The following ZNF729 variants were observed in gnomAD, a reference collection of about 807,000 sequenced individuals.
ZNF729 encodes zinc finger protein 729.
Under a neutral mutation model 12.2 loss-of-function variants are expected in ZNF729, and 15 were observed. The observed-to-expected ratio is 1.23, with a 90% confidence interval of 0.82 to 1.89. The LOEUF (loss-of-function observed/expected upper bound fraction) is 1.89. Ranked by LOEUF, ZNF729 falls within the 40% of genes most tolerant of loss-of-function variation. The pLI is 0.00. For synonymous variants in ZNF729, 492 were observed against 476.3 expected (o/e 1.03, Z -0.43); for missense variants, 1,540 against 1,456.7 (o/e 1.06, Z -0.93).
chr19:22,295,189 A>AT (rs1311562603), intron 1 of ZNF729, among the ~76,000 whole-genome samples: 24 of 151,488 alleles, frequency 1.6e-4, no homozygotes, highest in Non-Finnish European at 1.0e-4. Flanking sequence ...TGCTGAAGTG[A>AT]TTTGTCAGTT....
At chr19:22,300,444 T>C (rs1197577556) in intron 1 of ZNF729, among the ~76,000 whole-genome samples, 2 of 152,252 alleles carry the variant, frequency 1.3e-5, no homozygotes, top group African/African-American at 4.8e-5. Context: ...CTTTTAATTA[T>C]GTTTCACAAA....
intron 3 of ZNF729, 21 bp from the exon 4 acceptor site, chr19:22,313,650 T>C: frequency 7.0e-7 from 1 of 1,435,888 alleles, no homozygotes; most frequent in Admixed American, 3.2e-5. Context: ...TGGAATAATT[T>C]GTTATTTTTA....
chr19:22,295,036 ATT>A lies in ZNF729; in HGVS notation c.30+8483_30+8484del, dbSNP rs552135499. On this transcript the variant is annotated intron_variant, in intron 1 of 3. Transcript: ENST00000601693. ...TCTCTGGTTAGGTGTACTCCTAGAT[ATT>A]TGTGTGTGTGTGTGTGTGTGTGTGT... 8.6e-3 allele frequency among the ~76,000 whole-genome samples: 782 copies of A among 91,304 alleles called. 5 individuals carry two copies. The highest frequency in any genetic ancestry group is 0.011 in the Non-Finnish European group (543 of 50,814). 59.9% of individuals were successfully genotyped at this position (91,304 alleles called of 152,430 possible). A position where few individuals can be genotyped will look rare whatever the true frequency, so the allele number is the denominator to read the frequency against.
rs760525721 is a variant in ZNF729 at position 22,316,054 on chromosome 19, A to C, written c.2637A>C (p.Pro879=). ...AGATAATTCATAGTGGAGAGAAACC[A>C]TACAAATGTGAAGAATGTGGTAAAG... ...KHEIIHSGEK[P]YKCEECGKAF... The change falls in exon 4 of 4, where the codon CCA becomes CCC. Residue 879 remains proline (P), a synonymous_variant. Coordinates refer to ENST00000601693, the MANE Select transcript of ZNF729 (RefSeq NM_001242680.2). The C allele has an allele frequency of 2.0e-5, 32 of 1,609,610 alleles. 1 individual carries two copies. The highest frequency in any genetic ancestry group is 3.3e-4 in the Middle Eastern group (2 of 6,064).
At chr19:22,294,657 CTTTTTTT>C (rs71180535) in intron 1 of ZNF729, among the ~76,000 whole-genome samples, 7 of 92,430 alleles carry the variant, frequency 7.6e-5, no homozygotes, top group East Asian at 3.0e-4. Context: ...TTTTCTTTTT[CTTTTTTT>C]TTTTTTTTTT....
chr19:22,291,897 C>A (rs780945580), intron 1 of ZNF729, among the ~76,000 whole-genome samples: 2 of 152,076 alleles, frequency 1.3e-5, no homozygotes, highest in Non-Finnish European at 2.9e-5. Context: ...CCACGCCCCG[C>A]TAATTTTTGT....
chr19:22,303,574 T>C (rs563660704), intron 1 of ZNF729, among the ~76,000 whole-genome samples, 184 bp from the exon 2 acceptor site: 1 of 152,378 alleles, frequency 6.6e-6, no homozygotes, highest in Admixed American at 6.5e-5. Context: ...TTCTTTTTTC[T>C]CAGAATTTGA....
chr19:22,304,830 G>A (rs1385757753), intron 3 of ZNF729, 47 bp downstream of exon 3: 3 of 1,570,036 alleles, frequency 1.9e-6, no homozygotes, highest in Non-Finnish European at 2.6e-6. Context: ...GAGGTCCAGA[G>A]GTCAAGGAGA....
chr19:22,293,778 G>A (rs910183841), intron 1 of ZNF729, among the ~76,000 whole-genome samples: 1 of 152,160 alleles, frequency 6.6e-6, no homozygotes, highest in African/African-American at 2.4e-5. Flanking sequence ...ACAGGCATAA[G>A]CCACGGAGCC....
chr19:22,304,532 T>C (rs1365903175), intron 2 of ZNF729, among the ~76,000 whole-genome samples, 156 bp from the exon 3 acceptor site: 1 of 152,182 alleles, frequency 6.6e-6, no homozygotes, highest in African/African-American at 2.4e-5. Context: ...TAAGGGCCTG[T>C]ACAAATTGAA....
intron 1 of ZNF729, among the ~76,000 whole-genome samples, chr19:22,298,098 G>A (rs1342109548): frequency 1.3e-5 from 2 of 150,702 alleles, no homozygotes; most frequent in African/African-American, 2.4e-5. Context: ...AAGATACTGA[G>A]TACATTTCTT....
Position 22,314,889 on chromosome 19 carries a change from A to G in ZNF729, c.1472A>G (p.Glu491Gly), listed in dbSNP as rs755458370. 5.0e-6 allele frequency: 8 copies of G among 1,613,424 alleles called. No individual in the cohort carries two copies. The African/African-American group carries it at 9.3e-5, about 19-fold the overall frequency. The part of the protein sequence containing the change: ...IHTGEKPYKC[E>G]ECGKAFNHFS... ...ACTGGAGAGAAACCCTACAAATGTG[A>G]AGAATGTGGCAAAGCTTTTAACCAT... The change falls in exon 4 of 4, where the codon GAA becomes GGA. Residue 491 changes from glutamate (E) to glycine (G), a missense_variant. By Grantham distance (98) the Glu-to-Gly change is moderately conservative (BLOSUM62 -2). Coordinates refer to ENST00000601693, the MANE Select transcript of ZNF729 (RefSeq NM_001242680.2).
intron 1 of ZNF729, among the ~76,000 whole-genome samples, chr19:22,294,657 CTTT>C (rs71180535): frequency 2.2e-5 from 2 of 92,434 alleles, no homozygotes; most frequent in Non-Finnish European, 2.3e-5. Flanking sequence ...TTTTCTTTTT[CTTT>C]TTTTTTTTTT....
rs1186028508 is a variant in ZNF729 at position 22,315,726 on chromosome 19, G to A, written c.2309G>A (p.Cys770Tyr). The A allele has an allele frequency of 4.4e-6, 7 of 1,605,946 alleles. No homozygotes were observed. In the African/African-American group the frequency reaches 8.0e-5, roughly 18 times the overall value. The stretch of plus-strand genomic sequence containing the variant: ...CATACTAGGGAGAAATTGTACAAAT[G>A]TGAAGAATGTGTCAAAGCTTTTAAC... ...VIHTREKLYK[C>Y]EECVKAFNSF... Residue 770 changes from cysteine to tyrosine, a missense_variant, in exon 4 of 4, where the codon TGT becomes TAT. Transcript: ENST00000601693.
rs545411652 is a variant in ZNF729, at chr19:22,289,306, A to G, written c.30+2751A>G. On this transcript the variant is annotated intron_variant, in intron 1 of 3. Coordinates refer to ENST00000601693, the MANE Select transcript of ZNF729 (RefSeq NM_001242680.2). ...AGTGGCGCAATCTCTGCTCACTGCA[A>G]CCTCCATCTCCCAGGTTCAAGTGAT... Among the ~76,000 whole-genome samples, 39 of 151,118 alleles carry G rather than the reference A, an allele frequency of 2.6e-4. No homozygotes were observed. In the South Asian group the frequency reaches 7.8e-3, roughly 30 times the overall value.
In ZNF729 at chr19:22,315,343, C is replaced by T. The variant is rs759328592; in HGVS notation, c.1926C>T (p.His642=). Residue 642 remains histidine (H), a synonymous_variant, in exon 4 of 4, where the codon CAC becomes CAT. Transcript: ENST00000601693. ...GCAAAGCTTTTAGGCAATCCTCACA[C>T]CTTACTAGACATAAAGCAATTCATA... ...ECGKAFRQSS[H]LTRHKAIHTG... 5.1e-5 allele frequency: 82 copies of T among 1,612,836 alleles called. No homozygotes were observed. The highest frequency in any genetic ancestry group is 3.3e-4 in the Middle Eastern group (2 of 6,072).
At position 22,316,787 on chromosome 19, in the gene ZNF729, A is replaced by G. The variant is rs761156818; in HGVS notation, c.3370A>G (p.Ile1124Val). The G allele has an allele frequency of 6.2e-7, 1 of 1,613,062 alleles. No homozygotes were observed. Among genetic ancestry groups the G allele is most frequent in the Non-Finnish European group, 8.5e-7 (1 of 1,179,874 alleles). Residue 1124 changes from isoleucine to valine, a missense_variant, in exon 4 of 4, where the codon ATA becomes GTA. Ile to Val is a conservative substitution (Grantham distance 29). Coordinates refer to ENST00000601693, the MANE Select transcript of ZNF729 (RefSeq NM_001242680.2). The stretch of plus-strand genomic sequence containing the variant: ...TTCCTCAACCCTTACGAAACATAAG[A>G]TAATTCATACTGGGGAGAAACCCTA... Reference protein sequence around the residue: ...NNSSTLTKHKIIHTGEKPYKC... With the variant: ...NNSSTLTKHKVIHTGEKPYKC...
At chr19:22,295,792 T>C (rs1001403283) in intron 1 of ZNF729, among the ~76,000 whole-genome samples, 9 of 152,220 alleles carry the variant, frequency 5.9e-5, no homozygotes, top group Non-Finnish European at 1.2e-4. Context: ...TATTTTGAAG[T>C]GTGTACTTTG....
At chr19:22,311,991 T>A (rs1226831221) in intron 3 of ZNF729, among the ~76,000 whole-genome samples, 3 of 152,160 alleles carry the variant, frequency 2.0e-5, no homozygotes, top group South Asian at 4.1e-4. Context: ...GTATATTTTG[T>A]CATATGTAAG....
Sources: allele counts gnomAD v4.1 joint callset (sites outside exome capture counted in the v4.1 genomes callset), GRCh38; gene constraint gnomAD v4.1.1; transcripts MANE v1.5; gene names NCBI Gene and HGNC (gene_info 2026-07-23, HGNC 2026-07-21).